The following LMO7 variants were observed in gnomAD, a reference collection of about 807,000 sequenced individuals.
LMO7 encodes LIM domain only protein 7.
Under a neutral mutation model 206.5 loss-of-function variants are expected in LMO7, and 120 were observed. The observed-to-expected ratio is 0.58, with a 90% CI of 0.50 to 0.68. The LOEUF (loss-of-function observed/expected upper bound fraction) is 0.68, where lower values mean the gene tolerates loss of function less well. Among genes scored for constraint, LMO7 ranks in the 30% least tolerant of loss-of-function variants. The pLI is 0.00. For missense variants in LMO7, 1,959 were observed against 1,957.9 expected (o/e 1.00, Z -0.01); for synonymous variants, 706 against 681.5 (o/e 1.04, Z -0.56).
intron 3 of LMO7, among the ~76,000 whole-genome samples, chr13:75,737,794 A>AT (rs1566372383): frequency 7.5e-6 from 1 of 132,778 alleles, no homozygotes; most frequent in Non-Finnish European, 1.6e-5. Flanking sequence ...AAAAAAAAAA[A>AT]AAAAAAACTT....
At chr13:75,782,256 G>T (rs1162402103) in intron 4 of LMO7, among the ~76,000 whole-genome samples, 1 of 152,190 alleles carries the variant, frequency 6.6e-6, no homozygotes. Context: ...GCATTGATTA[G>T]CTGTAGATGA....
At chr13:75,787,262 C>T (rs747572358) in intron 4 of LMO7, among the ~76,000 whole-genome samples, 4 of 152,286 alleles carry the variant, frequency 2.6e-5, no homozygotes, top group East Asian at 1.9e-4. Flanking sequence ...GTTAGCTTTA[C>T]GTAATAACAA....
intron 2 of LMO7, among the ~76,000 whole-genome samples, chr13:75,719,154 A>G (rs763924286): frequency 1.3e-5 from 2 of 151,688 alleles, no homozygotes; most frequent in Admixed American, 1.3e-4. Context: ...TAATTTTTGT[A>G]TTTTTAGTAG....
At chr13:75,844,707 C>T (rs1462081711) in intron 25 of LMO7, among the ~76,000 whole-genome samples, 1 of 152,154 alleles carries the variant, frequency 6.6e-6, no homozygotes, top group Non-Finnish European at 1.5e-5. Flanking sequence ...CCAAGCCCAG[C>T]CACCACTATT....
intron 2 of LMO7, among the ~76,000 whole-genome samples, chr13:75,726,394 G>C (rs2138573258): frequency 6.6e-6 from 1 of 151,950 alleles, no homozygotes; most frequent in East Asian, 1.9e-4. Flanking sequence ...AACTTAAACT[G>C]GTTCTGTTTA....
intron 1 of LMO7, among the ~76,000 whole-genome samples, chr13:75,659,773 T>A (rs992635927): frequency 1.3e-5 from 2 of 152,248 alleles, no homozygotes; most frequent in African/African-American, 4.8e-5. Context: ...TTATGAATTT[T>A]AAAAATACTT....
intron 2 of LMO7, among the ~76,000 whole-genome samples, chr13:75,626,543 C>A (rs2034119166): frequency 2.2e-5 from 3 of 135,722 alleles, no homozygotes; most frequent in Non-Finnish European, 4.8e-5. Flanking sequence ...GGGGACACAG[C>A]CAAACCATAT....
chr13:75,676,279 T>G (rs189720304), intron 1 of LMO7, among the ~76,000 whole-genome samples: 2 of 152,338 alleles, frequency 1.3e-5, no homozygotes, highest in Admixed American at 1.3e-4. Flanking sequence ...GGATTCAGTA[T>G]TTGTCTGACT....
chr13:75,794,135 T>C (rs1643713738), intron 4 of LMO7, among the ~76,000 whole-genome samples: 1 of 152,264 alleles, frequency 6.6e-6, no homozygotes, highest in Admixed American at 6.5e-5. Flanking sequence ...TATAACTTTT[T>C]GTTAACATAT....
intron 3 of LMO7, among the ~76,000 whole-genome samples, chr13:75,744,389 C>T (rs1269802678): frequency 1.3e-5 from 2 of 152,216 alleles, no homozygotes; most frequent in Admixed American, 1.3e-4. Flanking sequence ...TGAACATTTA[C>T]TTGCCAAGTT....
At chr13:75,809,870 C>A (rs1035612461) in intron 11 of LMO7, among the ~76,000 whole-genome samples, 1 of 133,488 alleles carries the variant, frequency 7.5e-6, no homozygotes, top group Non-Finnish European at 1.5e-5. Flanking sequence ...CTCGCTCTGT[C>A]GCCCAGGCTG....
intron 4 of LMO7, among the ~76,000 whole-genome samples, chr13:75,784,969 T>C (rs34782398): frequency 0.038 from 5,734 of 152,228 alleles, 132 homozygotes; most frequent in Non-Finnish European, 0.052. Context: ...TTCATTTACT[T>C]ATAAGTCTTT....
intron 3 of LMO7, among the ~76,000 whole-genome samples, chr13:75,757,062 G>C (rs2047733374): frequency 6.6e-6 from 1 of 152,174 alleles, no homozygotes. Flanking sequence ...GGAAATGATG[G>C]AATGTGACTT....
intron 3 of LMO7, among the ~76,000 whole-genome samples, chr13:75,732,905 C>T (rs1401275631): frequency 1.3e-5 from 2 of 151,800 alleles, no homozygotes; most frequent in Non-Finnish European, 2.9e-5. Flanking sequence ...CCCTGTTTGC[C>T]TGGGTATCAG....
At chr13:75,766,856 A>G (rs2048967110) in intron 4 of LMO7, among the ~76,000 whole-genome samples, 1 of 152,104 alleles carries the variant, frequency 6.6e-6, no homozygotes, top group African/African-American at 2.4e-5. Flanking sequence ...GATTTCAATT[A>G]CAAAGACTTC....
intron 28 of LMO7, among the ~76,000 whole-genome samples, chr13:75,853,614 G>A (rs1396215182): frequency 6.6e-6 from 1 of 152,200 alleles, no homozygotes; most frequent in African/African-American, 2.4e-5. Flanking sequence ...AGACTTTGAA[G>A]GTGTCTACTT....
intron 1 of LMO7, among the ~76,000 whole-genome samples, chr13:75,702,716 G>A (rs1260239814): frequency 6.6e-6 from 1 of 152,202 alleles, no homozygotes; most frequent in Non-Finnish European, 1.5e-5. Context: ...TAAAGAGGAA[G>A]TTCCAAGAAT....
At chr13:75,791,377 T>A (rs2053259547) in intron 4 of LMO7, among the ~76,000 whole-genome samples, 1 of 152,198 alleles carries the variant, frequency 6.6e-6, no homozygotes, top group African/African-American at 2.4e-5. Flanking sequence ...TTGAAGTAGG[T>A]TAATGCAATT....
At chr13:75,629,949 G>C (rs1315441571) in intron 2 of LMO7, among the ~76,000 whole-genome samples, 2 of 152,090 alleles carry the variant, frequency 1.3e-5, no homozygotes, top group East Asian at 3.9e-4. Context: ...AGTCAGATTT[G>C]GACATACTGT....
Sources: allele counts gnomAD v4.1 joint callset (sites outside exome capture counted in the v4.1 genomes callset), GRCh38; gene constraint gnomAD v4.1.1; transcripts MANE v1.5; gene names NCBI Gene and HGNC (gene_info 2026-07-23, HGNC 2026-07-21).